CNTNAP5: variants seen among roughly 807,000 people sequenced by gnomAD.
CNTNAP5 encodes the protein contactin associated protein family member 5.
Under a neutral mutation model 150.2 loss-of-function variants are expected in CNTNAP5, and 72 were observed. The observed-to-expected ratio is 0.48, with a 90% confidence interval of 0.40 to 0.58. CNTNAP5 has a LOEUF of 0.58. Among genes scored for constraint, CNTNAP5 ranks in the 20% least tolerant of loss-of-function variants. CNTNAP5 has a pLI of 0.00. For synonymous variants in CNTNAP5, 672 were observed against 619.8 expected, an observed-to-expected ratio of 1.08 and a Z score of -1.25; for missense variants, 1,636 against 1,626.2, an observed-to-expected ratio of 1.01 and a Z score of -0.10.
At chr2:124,455,472 A>C (rs2104815022) in intron 6 of CNTNAP5, among the ~76,000 whole-genome samples, 1 of 152,286 alleles carries the variant, frequency 6.6e-6, no homozygotes, top group South Asian at 2.1e-4. Context: ...CCAGACATTC[A>C]AAGAAGAATT....
At chr2:124,571,527 C>CTTTTTCTTTTTCTCTTTTTTTTCTTT in intron 11 of CNTNAP5, among the ~76,000 whole-genome samples, 1 of 46,850 alleles carries the variant, frequency 2.1e-5, no homozygotes, top group Non-Finnish European at 3.6e-5. Flanking sequence ...TTTCTTTTTT[C>CTTTTTCTTTTTCTCTTTTTTTTCTTT]TTTTTTTTTT....
chr2:124,047,292 T>A (rs1681563451), intron 1 of CNTNAP5, among the ~76,000 whole-genome samples: 1 of 152,230 alleles, frequency 6.6e-6, no homozygotes, highest in Admixed American at 6.5e-5. Context: ...TCAGGGAGAC[T>A]GCCTCTAGGA....
chr2:124,522,091 C>A (rs756351235), intron 8 of CNTNAP5, among the ~76,000 whole-genome samples: 4 of 152,134 alleles, frequency 2.6e-5, no homozygotes, highest in South Asian at 2.1e-4. Context: ...GTCACAGCTG[C>A]CCAGGTGCAA....
At position 124,084,924 on chromosome 2, in the gene CNTNAP5, G is replaced by GTTTTTTT. The variant is rs71394021; in HGVS notation, c.82+59201_82+59207dup. Among the ~76,000 whole-genome samples, 337 of 89,960 alleles carry GTTTTTTT rather than the reference G, an allele frequency of 3.7e-3. 33 individuals are homozygous for GTTTTTTT. Among genetic ancestry groups the GTTTTTTT allele is most frequent in the Non-Finnish European group, 4.7e-3 (235 of 50,072 alleles). The allele number at this position is 89,960 out of a possible 152,430, so 59.0% of individuals were successfully genotyped here. A position where few individuals can be genotyped will look rare whatever the true frequency, so the allele number is the denominator to read the frequency against. On this transcript the variant is annotated intron_variant, in intron 1 of 23. Coordinates refer to ENST00000682447, the MANE Select transcript of CNTNAP5 (RefSeq NM_001367498.1). ...TAAAAATTATGAATTCAAGTTTCCT[G>GTTTTTTT]TTTTTTTTTTTTTTTGAGACGGAGT...
intron 2 of CNTNAP5, among the ~76,000 whole-genome samples, chr2:124,223,225 T>A (rs1190530851): frequency 1.3e-5 from 2 of 152,090 alleles, no homozygotes; most frequent in South Asian, 2.1e-4. Context: ...TTTATATTCA[T>A]CCCGTTAACA....
intron 1 of CNTNAP5, among the ~76,000 whole-genome samples, chr2:124,099,231 C>T (rs1311471587): frequency 2.0e-5 from 3 of 152,196 alleles, no homozygotes; most frequent in African/African-American, 4.8e-5. Flanking sequence ...ACCTACGCAA[C>T]TCTTTCAGCC....
intron 7 of CNTNAP5, among the ~76,000 whole-genome samples, chr2:124,503,472 A>G (rs1483931663): frequency 1.3e-5 from 2 of 152,190 alleles, no homozygotes; most frequent in East Asian, 3.9e-4. Flanking sequence ...TTTGCTATGC[A>G]AAGAATAATC....
chr2:124,045,151 G>A (rs1246610415), intron 1 of CNTNAP5, among the ~76,000 whole-genome samples: 1 of 152,070 alleles, frequency 6.6e-6, no homozygotes, highest in African/African-American at 2.4e-5. Flanking sequence ...CCCACTTCAA[G>A]ATGCCTCAGG....
intron 1 of CNTNAP5, among the ~76,000 whole-genome samples, chr2:124,050,958 C>T (rs1478458116): frequency 6.6e-6 from 1 of 152,092 alleles, no homozygotes; most frequent in Non-Finnish European, 1.5e-5. Context: ...AGTGCTTAAT[C>T]TCGGATGTGT....
chr2:124,303,265 G>A (rs1688608164), intron 3 of CNTNAP5, among the ~76,000 whole-genome samples: 1 of 152,188 alleles, frequency 6.6e-6, no homozygotes, highest in African/African-American at 2.4e-5. Context: ...AAACAGGACA[G>A]TGTCTGTTTG....
chr2:124,848,570 C>T (rs1683095732), intron 19 of CNTNAP5, among the ~76,000 whole-genome samples: 1 of 152,082 alleles, frequency 6.6e-6, no homozygotes, highest in Non-Finnish European at 1.5e-5. Context: ...GTTGAAGAGT[C>T]TTCAAACTGT....
chr2:124,655,017 T>C (rs1468681817), intron 13 of CNTNAP5, among the ~76,000 whole-genome samples: 2 of 152,074 alleles, frequency 1.3e-5, no homozygotes, highest in Non-Finnish European at 2.9e-5. Context: ...GGGATACATG[T>C]GCAGAATGTG....
At chr2:124,773,669 G>A (rs184556436) in intron 17 of CNTNAP5, among the ~76,000 whole-genome samples, 23 of 152,150 alleles carry the variant, frequency 1.5e-4, no homozygotes, top group African/African-American at 5.1e-4. Context: ...CATAGTCACT[G>A]AGCATCTACA....
chr2:124,531,038 A>G (rs1695093704), intron 10 of CNTNAP5, among the ~76,000 whole-genome samples: 1 of 152,048 alleles, frequency 6.6e-6, no homozygotes, highest in Non-Finnish European at 1.5e-5. Flanking sequence ...ATTGTAATAT[A>G]TAATAATTAT....
intron 11 of CNTNAP5, among the ~76,000 whole-genome samples, chr2:124,563,558 A>T (rs561836699): frequency 1.4e-4 from 21 of 152,370 alleles, no homozygotes; most frequent in Non-Finnish European, 2.5e-4. Context: ...AAATGAGATC[A>T]TGACAGTACA....
chr2:124,777,775 A>AT (rs1553441220), intron 17 of CNTNAP5, among the ~76,000 whole-genome samples: 1 of 130,600 alleles, frequency 7.7e-6, no homozygotes, highest in East Asian at 2.4e-4. Context: ...GAATGGAGGG[A>AT]TGTGTGTGTG....
intron 3 of CNTNAP5, among the ~76,000 whole-genome samples, chr2:124,340,587 A>G (rs978096326): frequency 6.6e-6 from 1 of 151,922 alleles, no homozygotes; most frequent in Non-Finnish European, 1.5e-5. Context: ...AGATTGTACT[A>G]TTATTCAAAC....
intron 7 of CNTNAP5, among the ~76,000 whole-genome samples, chr2:124,489,136 T>A: frequency 6.6e-6 from 1 of 152,242 alleles, no homozygotes; most frequent in Non-Finnish European, 1.5e-5. Context: ...TCTAAAATAC[T>A]TTTCAACTCA....
intron 18 of CNTNAP5, among the ~76,000 whole-genome samples, chr2:124,791,660 G>A (rs187327652): frequency 1.5e-4 from 23 of 149,170 alleles, no homozygotes; most frequent in Admixed American, 1.1e-3. Flanking sequence ...CAAAGATCTC[G>A]TAGATCATAT....
Sources: gnomAD v4.1 joint callset for allele counts (sites outside exome capture counted in the v4.1 genomes callset) on GRCh38, gnomAD v4.1.1 for gene constraint, MANE v1.5 for transcripts, NCBI Gene and HGNC (gene_info 2026-07-23, HGNC 2026-07-21) for gene names.